FBXL13: variants seen among roughly 807,000 people sequenced by gnomAD.
FBXL13 encodes the protein F-box and leucine rich repeat protein 13.
In FBXL13, 67 loss-of-function variants were observed where a neutral mutation model predicts 83.6. The ratio of observed to expected loss-of-function variants is 0.80; its 90% CI spans 0.66 to 0.98. FBXL13 has a LOEUF of 0.98. Among genes scored for constraint, FBXL13 ranks in the 50% least tolerant of loss-of-function variants. FBXL13 has a pLI of 0.00. For missense variants in FBXL13, 822 were observed against 866.5 expected, an observed-to-expected ratio of 0.95 and a Z score of 0.64; for synonymous variants, 272 against 299.5, an observed-to-expected ratio of 0.91 and a Z score of 0.95.
intron 6 of FBXL13, among the ~76,000 whole-genome samples, chr7:102,995,792 T>TAAAC (rs772979345): frequency 7.3e-5 from 11 of 149,746 alleles, no homozygotes; most frequent in Non-Finnish European, 1.2e-4. Flanking sequence ...TCTAAATAAA[T>TAAAC]AAATAAATAA....
At chr7:102,828,508 A>C (rs544150816) in intron 18 of FBXL13, among the ~76,000 whole-genome samples, 1 of 152,220 alleles carries the variant, frequency 6.6e-6, no homozygotes, top group Non-Finnish European at 1.5e-5. Context: ...GAATCCCAGA[A>C]TTAGCAAATC....
At chr7:102,867,247 A>G (rs1326103337) in intron 16 of FBXL13, among the ~76,000 whole-genome samples, 1 of 152,058 alleles carries the variant, frequency 6.6e-6, no homozygotes, top group Non-Finnish European at 1.5e-5. Flanking sequence ...AGTCCCAGCT[A>G]CTTGGGAGGC....
chr7:102,926,193 G>T, intron 10 of FBXL13, 81 bp downstream of exon 11: 1 of 1,156,438 alleles, frequency 8.6e-7, no homozygotes, highest in African/African-American at 1.5e-5. Context: ...AGGGAGCACT[G>T]CCCTTGCAGA....
chr7:102,900,615 A>G (rs1812847280), intron 11 of FBXL13, among the ~76,000 whole-genome samples: 2 of 152,212 alleles, frequency 1.3e-5, no homozygotes, highest in South Asian at 4.1e-4. Flanking sequence ...AAAAGACTTA[A>G]TAAGTCACTC....
intron 2 of FBXL13, among the ~76,000 whole-genome samples, chr7:103,044,835 C>G (rs969202180): frequency 6.6e-6 from 1 of 152,198 alleles, no homozygotes; most frequent in Non-Finnish European, 1.5e-5. Flanking sequence ...ATGCTTGAAA[C>G]AATGAAATTG....
chr7:102,934,547 T>C, intron 8 of FBXL13: 1 of 1,528,336 alleles, frequency 6.5e-7, no homozygotes, highest in Non-Finnish European at 8.8e-7. Flanking sequence ...TGAACAGTTG[T>C]GTAATGAAGA....
At chr7:103,073,958 CAACT>C (rs1230220816) in intron 1 of FBXL13, among the ~76,000 whole-genome samples, 1 of 152,150 alleles carries the variant, frequency 6.6e-6, no homozygotes, top group Admixed American at 6.5e-5. Flanking sequence ...AATATCTCAC[CAACT>C]ATTTGTAGAG....
intron 17 of FBXL13, among the ~76,000 whole-genome samples, chr7:102,836,289 T>C (rs1283791614): frequency 6.6e-6 from 1 of 152,216 alleles, no homozygotes; most frequent in Admixed American, 6.5e-5. Flanking sequence ...GTCTAAGGCT[T>C]TATGCTAAAT....
At chr7:102,850,260 CA>C (rs1562992434) in intron 17 of FBXL13, among the ~76,000 whole-genome samples, 1 of 151,962 alleles carries the variant, frequency 6.6e-6, no homozygotes, top group East Asian at 1.9e-4. Context: ...CCCACAGAAT[CA>C]AAAAAGAATG....
intron 17 of FBXL13, among the ~76,000 whole-genome samples, chr7:102,847,874 A>G (rs1375449641): frequency 1.3e-5 from 2 of 152,068 alleles, no homozygotes; most frequent in African/African-American, 2.4e-5. Context: ...ACCATCATCT[A>G]TTGGTTTTAG....
chr7:103,042,011 A>C lies in FBXL13; in HGVS notation c.1-12593T>G, dbSNP rs191808776. 1.6e-3 allele frequency among the ~76,000 whole-genome samples: 247 copies of C among 152,306 alleles called. 2 individuals are homozygous for C. Among genetic ancestry groups the C allele is most frequent in the Admixed American group, 0.015 (229 of 15,292 alleles). ...AAGAGAAAGACATAAAGGGTATTCA[A>C]TTAGGAAAAGAGGAAGTCAAATTGT... On this transcript the variant is annotated intron_variant, in intron 2 of 19. Coordinates refer to ENST00000313221, the Ensembl canonical transcript of FBXL13.
chr7:102,926,133 A>G (rs1444844267), intron 10 of FBXL13, 141 bp downstream of exon 11: 2 of 663,196 alleles, frequency 3.0e-6, no homozygotes, highest in Non-Finnish European at 5.1e-6. Context: ...ACTTGAAAGC[A>G]GCAGACCCCT....
intron 2 of FBXL13, among the ~76,000 whole-genome samples, chr7:103,049,256 C>T (rs1796579950): frequency 6.6e-6 from 1 of 152,176 alleles, no homozygotes; most frequent in African/African-American, 2.4e-5. Flanking sequence ...ATAAATTCAA[C>T]AATTTTCAAA....
intron 2 of FBXL13, among the ~76,000 whole-genome samples, chr7:103,034,132 T>A (rs1052778422): frequency 6.6e-6 from 1 of 152,124 alleles, no homozygotes; most frequent in Non-Finnish European, 1.5e-5. Context: ...TAGCTAGACA[T>A]AAAGGTTCTC....
At chr7:102,941,713 C>T (rs1821479759) in intron 8 of FBXL13, among the ~76,000 whole-genome samples, 2 of 149,150 alleles carry the variant, frequency 1.3e-5, no homozygotes, top group Admixed American at 6.7e-5. Context: ...TGTAGTTTAC[C>T]AACTATCAAT....
At chr7:102,968,041 A>G (rs916964996) in exon 7 of FBXL13, 1 of 1,613,282 alleles carries the variant, frequency 6.2e-7, no homozygotes, top group Non-Finnish European at 8.5e-7. Flanking sequence ...CAGTGAGTTT[A>G]GTTGTGTCAT....
intron 11 of FBXL13, among the ~76,000 whole-genome samples, chr7:102,902,217 G>T (rs1021381701): frequency 6.6e-6 from 1 of 152,050 alleles, no homozygotes; most frequent in South Asian, 2.1e-4. Flanking sequence ...ATGCCTGTTT[G>T]CCATTTGTAT....
intron 19 of FBXL13, among the ~76,000 whole-genome samples, chr7:102,815,114 A>T (rs1797810606): frequency 6.6e-6 from 1 of 152,018 alleles, no homozygotes; most frequent in Non-Finnish European, 1.5e-5. Flanking sequence ...AGGCTCCATC[A>T]TTACCCTTCA....
intron 19 of FBXL13, among the ~76,000 whole-genome samples, chr7:102,815,785 G>C (rs1391679114): frequency 6.6e-6 from 1 of 152,046 alleles, no homozygotes; most frequent in Non-Finnish European, 1.5e-5. Flanking sequence ...CTAATGATAA[G>C]TCTGGGAAAG....
Sources: gnomAD v4.1 joint callset for allele counts (sites outside exome capture counted in the v4.1 genomes callset) on GRCh38, gnomAD v4.1.1 for gene constraint, MANE v1.5 for transcripts, NCBI Gene and HGNC (gene_info 2026-07-23, HGNC 2026-07-21) for gene names.